HIPK2: variants seen among roughly 807,000 people sequenced by gnomAD.
HIPK2 encodes homeodomain-interacting protein kinase 2.
HIPK2 carries 27 observed loss-of-function variants against 113.7 expected under a neutral mutation model. The ratio of observed to expected loss-of-function variants is 0.24; its 90% confidence interval spans 0.17 to 0.33. The LOEUF is 0.33. HIPK2 is among the 10% of genes least tolerant of loss of function. The probability of loss-of-function intolerance (pLI) is 1.00; values close to 1 mark genes in which losing one functional copy is unlikely to be tolerated. For synonymous variants in HIPK2, 631 were observed against 642.2 expected, an observed-to-expected ratio of 0.98 and a Z score of 0.26; for missense variants, 1,257 against 1,588.0, an observed-to-expected ratio of 0.79 and a Z score of 3.54.
At chr7:139,574,608 G>A (rs544142833) in intron 14 of HIPK2, among the ~76,000 whole-genome samples, 7 of 152,280 alleles carry the variant, frequency 4.6e-5, no homozygotes, top group African/African-American at 1.4e-4. Flanking sequence ...GCCTGATGCC[G>A]AGCCCTTGAC....
At chr7:139,624,787 C>G (rs1800368078) in intron 6 of HIPK2, among the ~76,000 whole-genome samples, 1 of 152,176 alleles carries the variant, frequency 6.6e-6, no homozygotes, top group Admixed American at 6.5e-5. Context: ...CTCTTACCAG[C>G]CTGGCAAAAA....
Position 139,653,381 on chromosome 7 carries a change from C to T in HIPK2, c.1104-21656G>A, listed in dbSNP as rs1411051459. Among the ~76,000 whole-genome samples the T allele has an allele frequency of 2.0e-5, 3 of 151,514 alleles. No individual in the cohort carries two copies. In the East Asian group the frequency reaches 5.8e-4, roughly 29 times the overall value. On this transcript the variant is annotated intron_variant, in intron 2 of 14. Transcript: ENST00000406875. Reference sequence around the variant, plus strand: ...TGTAAACATGAGTAACTGGAAAATGCAGTGCTGAGGACTATCAACTGTTAC... The same window carrying T: ...TGTAAACATGAGTAACTGGAAAATGTAGTGCTGAGGACTATCAACTGTTAC...
intron 1 of HIPK2, among the ~76,000 whole-genome samples, chr7:139,766,877 T>C (rs1415333023): frequency 1.3e-5 from 2 of 152,198 alleles, no homozygotes; most frequent in Non-Finnish European, 2.9e-5. Flanking sequence ...CCAAACTGGA[T>C]GAACTACACA....
At chr7:139,665,743 T>C (rs915511208) in intron 2 of HIPK2, among the ~76,000 whole-genome samples, 2 of 152,220 alleles carry the variant, frequency 1.3e-5, no homozygotes, top group Admixed American at 1.3e-4. Flanking sequence ...CTTCCATGCA[T>C]GCTCACTCCA....
chr7:139,627,678 T>C (rs527555922), intron 5 of HIPK2, among the ~76,000 whole-genome samples: 41 of 152,356 alleles, frequency 2.7e-4, no homozygotes, highest in Non-Finnish European at 4.9e-4. Flanking sequence ...TTTTTGGTTA[T>C]AGTCATCTAC....
intron 7 of HIPK2, among the ~76,000 whole-genome samples, chr7:139,614,960 G>T: frequency 6.6e-6 from 1 of 152,200 alleles, no homozygotes; most frequent in East Asian, 1.9e-4. Context: ...GCTGGACCTT[G>T]CCCTCCTTCT....
Position 139,630,712 on chromosome 7 carries a change from C to T in HIPK2, c.1347+453G>A, listed in dbSNP as rs1222312802. Among the ~76,000 whole-genome samples the T allele has an allele frequency of 6.6e-6, 1 of 152,184 alleles. No homozygotes were observed. Among genetic ancestry groups the T allele is most frequent in the African/African-American group, 2.4e-5 (1 of 41,436 alleles). On this transcript the variant is annotated intron_variant, in intron 4 of 14. Coordinates refer to ENST00000406875, the MANE Select transcript of HIPK2 (RefSeq NM_022740.5). The surrounding 1 kb of genome is among the most constrained non-coding windows in gnomAD (Gnocchi z 4.0). Reference sequence around the variant, plus strand: ...CACGCTCCCTCTTCATTCTTTAGGGCCCAGTTCAAATGCTCCTCCTTGCCC... The same window carrying T: ...CACGCTCCCTCTTCATTCTTTAGGGTCCAGTTCAAATGCTCCTCCTTGCCC...
intron 2 of HIPK2, among the ~76,000 whole-genome samples, chr7:139,663,822 C>A (rs1230050021): frequency 6.6e-6 from 1 of 152,216 alleles, no homozygotes; most frequent in Non-Finnish European, 1.5e-5. Flanking sequence ...GGAGAAGGAA[C>A]TAGCCAGGAA....
At chr7:139,621,590 G>A (rs1205608003) in intron 6 of HIPK2, among the ~76,000 whole-genome samples, 1 of 152,174 alleles carries the variant, frequency 6.6e-6, no homozygotes, top group Non-Finnish European at 1.5e-5. Flanking sequence ...TTCATTTCTT[G>A]TAGTTAAACT....
intron 1 of HIPK2, among the ~76,000 whole-genome samples, chr7:139,746,166 A>C (rs1302452981): frequency 6.6e-6 from 1 of 152,106 alleles, no homozygotes; most frequent in East Asian, 1.9e-4. Flanking sequence ...CAGTCAAATA[A>C]TTACATTCAA....
At chr7:139,638,949 C>T (rs958852720) in intron 2 of HIPK2, among the ~76,000 whole-genome samples, 1 of 152,230 alleles carries the variant, frequency 6.6e-6, no homozygotes, top group Admixed American at 6.5e-5. Context: ...AGCCACCACG[C>T]CCAGCCAATA....
chr7:139,689,337 G>A (rs900627065), intron 2 of HIPK2, among the ~76,000 whole-genome samples: 1 of 152,200 alleles, frequency 6.6e-6, no homozygotes, highest in Non-Finnish European at 1.5e-5. Flanking sequence ...ATGGAACCTT[G>A]AAGTTCTCAG....
At chr7:139,730,828 C>T (rs1795754175) in intron 1 of HIPK2, among the ~76,000 whole-genome samples, 1 of 152,104 alleles carries the variant, frequency 6.6e-6, no homozygotes, top group Non-Finnish European at 1.5e-5. Context: ...AGCCGTAATC[C>T]CATATGACTG....
At chr7:139,733,461 T>C (rs371151342) in intron 1 of HIPK2, among the ~76,000 whole-genome samples, 2 of 152,334 alleles carry the variant, frequency 1.3e-5, no homozygotes, top group South Asian at 4.1e-4. Flanking sequence ...ATGTACAATA[T>C]GCTTATTGCA....
intron 2 of HIPK2, among the ~76,000 whole-genome samples, chr7:139,699,425 C>G (rs1000813923): frequency 5.3e-5 from 8 of 152,120 alleles, no homozygotes; most frequent in Non-Finnish European, 1.2e-4. Flanking sequence ...AGGCTCCCTC[C>G]CCGCCTCCTC....
intron 6 of HIPK2, among the ~76,000 whole-genome samples, chr7:139,623,539 GA>G (rs1365290456): frequency 1.5e-5 from 2 of 136,646 alleles, no homozygotes; most frequent in South Asian, 2.4e-4. Context: ...AAAAAAAAAA[GA>G]AAAAAAGGAC....
intron 2 of HIPK2, among the ~76,000 whole-genome samples, chr7:139,648,964 C>T (rs1234531930): frequency 6.6e-6 from 1 of 152,126 alleles, no homozygotes; most frequent in African/African-American, 2.4e-5. Context: ...AGAACAGAAA[C>T]TCTAAAAGCT....
chr7:139,656,659 A>C (rs1253082231), intron 2 of HIPK2, among the ~76,000 whole-genome samples: 6 of 152,154 alleles, frequency 3.9e-5, no homozygotes, highest in Admixed American at 6.5e-5. Flanking sequence ...AATTGCTCCC[A>C]AGGCCCCACA....
At chr7:139,767,467 A>G (rs1796572188) in intron 1 of HIPK2, among the ~76,000 whole-genome samples, 1 of 152,230 alleles carries the variant, frequency 6.6e-6, no homozygotes, top group Non-Finnish European at 1.5e-5. Flanking sequence ...TGGGTAGACA[A>G]GTGGGAAAAA....
Sources: gnomAD v4.1 joint callset for allele counts (sites outside exome capture counted in the v4.1 genomes callset) on GRCh38, gnomAD v4.1.1 for gene constraint, Gnocchi (gnomAD v3.1) non-coding constraint, MANE v1.5 for transcripts, NCBI Gene and HGNC (gene_info 2026-07-23, HGNC 2026-07-21) for gene names.